RREB1: variants seen among roughly 807,000 people sequenced by gnomAD.
The protein encoded by RREB1 is ras responsive element binding protein 1.
A neutral mutation model predicts 117.8 loss-of-function variants in RREB1; 27 were observed. That is an observed-to-expected ratio of 0.23 (90% CI 0.17 to 0.32). The LOEUF (loss-of-function observed/expected upper bound fraction) is 0.32, where lower values mean the gene tolerates loss of function less well. Ranked by LOEUF, RREB1 falls within the 10% of genes least tolerant of loss-of-function variation. The pLI is 1.00. For missense variants in RREB1, 2,577 were observed against 2,378.2 expected (o/e 1.08, Z -1.74); for synonymous variants, 1,298 against 1,026.7 (o/e 1.26, Z -5.05).
intron 1 of RREB1, among the ~76,000 whole-genome samples, chr6:7,133,455 C>G (rs777950050): frequency 6.6e-5 from 10 of 152,088 alleles, no homozygotes; most frequent in Non-Finnish European, 1.5e-4. Flanking sequence ...GGCACCATGG[C>G]ACACCCGGGA....
chr6:7,219,934 G>A (rs1021292573), intron 8 of RREB1, among the ~76,000 whole-genome samples: 1 of 152,182 alleles, frequency 6.6e-6, no homozygotes, highest in African/African-American at 2.4e-5. Flanking sequence ...TTGATACTAA[G>A]GGAGGAAGGA....
chr6:7,248,858 G>A lies in RREB1; in HGVS notation c.5119G>A (p.Glu1707Lys). 6.2e-7 allele frequency: 1 copy of A among 1,604,652 alleles called. No individual in the cohort carries two copies. The highest frequency in any genetic ancestry group is 8.5e-7 in the Non-Finnish European group (1 of 1,176,006). The change falls in exon 13 of 13, where the codon GAG becomes AAG. Residue 1707 changes from glutamate to lysine, a missense_variant. Transcript: ENST00000379938. ...GCCTGGCCAGGGTGACCTTAACCCA[G>A]AGAGCCCGGCGGCCCTGGGGCAGGA... ...SEPGQGDLNPESPAALGQDLL... is the reference protein window; with the variant it reads ...SEPGQGDLNPKSPAALGQDLL...
At chr6:7,150,271 A>G (rs73719065) in intron 1 of RREB1, among the ~76,000 whole-genome samples, 2,645 of 152,284 alleles carry the variant, frequency 0.017, 30 homozygotes, top group African/African-American at 0.033. Context: ...AGATTAATAG[A>G]TACATTTGAA....
chr6:7,157,754 C>A (rs1458713862), intron 1 of RREB1, among the ~76,000 whole-genome samples: 1 of 151,870 alleles, frequency 6.6e-6, no homozygotes. Flanking sequence ...AAGACTCTGT[C>A]TGTCTCTTTG....
At position 7,249,099 on chromosome 6, in the gene RREB1, GAGAGA is replaced by G. The variant is rs1769296327; in HGVS notation, c.*132_*136del. On this transcript the variant is annotated 3_prime_UTR_variant, in exon 13 of 13. Transcript: ENST00000379938. ...AGAGAGAGAGAGAGAGAGAGAGAGA[GAGAGA>G]CAAGCAGGAGCGTGGCTGCTCGCTC... 1.7e-6 allele frequency: 1 copy of G among 587,788 alleles called. No individual in the cohort carries two copies. The highest frequency in any genetic ancestry group is 3.5e-5 in the Admixed American group (1 of 28,814). 36.4% of individuals were successfully genotyped at this position (587,788 alleles called of 1,614,324 possible).
In RREB1 at chr6:7,108,375, G is replaced by A. The variant is rs1476949851; in HGVS notation, c.-285+315G>A. 4.0e-5 allele frequency among the ~76,000 whole-genome samples: 6 copies of A among 151,306 alleles called. No homozygotes were observed. In the East Asian group the frequency reaches 1.2e-3, roughly 30 times the overall value. On this transcript the variant is annotated intron_variant, in intron 1 of 12. Coordinates refer to ENST00000379938, the MANE Select transcript of RREB1 (RefSeq NM_001003699.4). ...GCTCTTTTCCCTTTCCCGAGCCGCC[G>A]GCTCTGCCAACCAGCTCCCAGCGCG...
At chr6:7,134,247 G>C (rs1189119738) in intron 1 of RREB1, among the ~76,000 whole-genome samples, 2 of 152,200 alleles carry the variant, frequency 1.3e-5, no homozygotes, top group East Asian at 1.9e-4. Flanking sequence ...GATAGCATGT[G>C]ATCTGTCTTA....
At chr6:7,192,673 ATCT>A (rs1421772399) in intron 6 of RREB1, among the ~76,000 whole-genome samples, 1 of 152,090 alleles carries the variant, frequency 6.6e-6, no homozygotes, top group East Asian at 1.9e-4. Flanking sequence ...AATAATTTGA[ATCT>A]TCTTTTCTTC....
rs778290848 is a variant in RREB1 at position 7,247,044 on chromosome 6, G to A, written c.4594G>A (p.Gly1532Arg). The change falls in exon 12 of 13, where the codon GGG (glycine) becomes AGG (arginine). Residue 1532 changes from glycine (G) to arginine (R), a missense_variant. By Grantham distance (125) the Gly-to-Arg change is moderately radical. Coordinates refer to ENST00000379938, the MANE Select transcript of RREB1 (RefSeq NM_001003699.4). ...LAEETEGPSDGESAAEKRSSE... is the reference protein window; with the variant it reads ...LAEETEGPSDRESAAEKRSSE... ...GGAGGAGACGGAGGGCCCCTCCGAC[G>A]GGGAGAGCGCGGCCGAGAAAAGGTC... is the stretch of plus-strand genomic sequence containing the variant. The A allele has an allele frequency of 8.7e-6, 14 of 1,613,086 alleles. No individual in the cohort carries two copies. The East Asian group carries it at 2.2e-4, about 26-fold the overall frequency.
chr6:7,113,056 A>G (rs1287734201), intron 1 of RREB1, among the ~76,000 whole-genome samples: 1 of 152,216 alleles, frequency 6.6e-6, no homozygotes, highest in Non-Finnish European at 1.5e-5. Context: ...AGACGAAAGC[A>G]TGGGAGAGGG....
At chr6:7,237,234 C>T (rs1019260774) in intron 10 of RREB1, among the ~76,000 whole-genome samples, 4 of 152,008 alleles carry the variant, frequency 2.6e-5, no homozygotes, top group East Asian at 1.9e-4. Context: ...TACAGGTGCG[C>T]GCCACTGCAC....
rs114765572 is a variant in RREB1, at chr6:7,187,440, A to G, written c.178A>G (p.Lys60Glu). The G allele has an allele frequency of 1.3e-5, 20 of 1,598,060 alleles. No individual in the cohort carries two copies. The Admixed American group carries it at 2.7e-4, about 21-fold the overall frequency. The change falls in exon 5 of 13, where the codon AAA (lysine) becomes GAA (glutamate). Residue 60 changes from lysine (K) to glutamate (E), a missense_variant. Coordinates refer to ENST00000379938, the MANE Select transcript of RREB1 (RefSeq NM_001003699.4). ...NRIGRRNQET[K>E]EEKSSYNCPL... is the part of the protein sequence containing the mutation. ...TTTTAATCTTTCTTTTTAGGAAACG[A>G]AAGAGGAGAAGTCTTCCTATAACTG... is the stretch of plus-strand genomic sequence containing the variant.
chr6:7,189,003 AT>A (rs1765253528), intron 5 of RREB1, among the ~76,000 whole-genome samples, 155 bp from the exon 6 acceptor site: 1 of 152,212 alleles, frequency 6.6e-6, no homozygotes, highest in Admixed American at 6.5e-5. Context: ...TTCCTGATAC[AT>A]TTTACCCCTT....
chr6:7,199,927 A>G (rs978107073), intron 6 of RREB1, among the ~76,000 whole-genome samples: 7 of 152,180 alleles, frequency 4.6e-5, no homozygotes, highest in Admixed American at 3.9e-4. Context: ...GAAATCTGTG[A>G]ATAATCGAAA....
intron 1 of RREB1, among the ~76,000 whole-genome samples, chr6:7,163,676 G>C (rs566526474): frequency 1.6e-3 from 243 of 152,298 alleles, no homozygotes; most frequent in Middle Eastern, 3.4e-3. Context: ...TTACAGGCGT[G>C]AGCCACCGCG....
At chr6:7,172,547 T>A (rs1280455256) in intron 1 of RREB1, among the ~76,000 whole-genome samples, 1 of 152,044 alleles carries the variant, frequency 6.6e-6, no homozygotes, top group Admixed American at 6.6e-5. Flanking sequence ...CATGCCCAGC[T>A]CTCCCCAATC....
chr6:7,115,088 C>A (rs1031655019), intron 1 of RREB1, among the ~76,000 whole-genome samples: 1 of 151,380 alleles, frequency 6.6e-6, no homozygotes, highest in Non-Finnish European at 1.5e-5. Flanking sequence ...CAAGTTTTTG[C>A]AAAATTCTTA....
intron 1 of RREB1, among the ~76,000 whole-genome samples, chr6:7,156,986 G>A (rs1763397814): frequency 6.6e-6 from 1 of 152,178 alleles, no homozygotes; most frequent in Non-Finnish European, 1.5e-5. Context: ...CCTGGCTGTT[G>A]GGGAGGACTT....
intron 9 of RREB1, among the ~76,000 whole-genome samples, chr6:7,227,638 A>G (rs1561792476): frequency 6.6e-6 from 1 of 152,224 alleles, no homozygotes; most frequent in Non-Finnish European, 1.5e-5. Flanking sequence ...TTAAAAAAAA[A>G]TCTTTCTTTA....
Sources: gnomAD v4.1 joint callset for allele counts (sites outside exome capture counted in the v4.1 genomes callset) on GRCh38, gnomAD v4.1.1 for gene constraint, MANE v1.5 for transcripts, NCBI Gene and HGNC (gene_info 2026-07-23, HGNC 2026-07-21) for gene names.